EFCAB6: variants seen among roughly 807,000 people sequenced by gnomAD.
EFCAB6 encodes EF-hand calcium binding domain 6.
Under a neutral mutation model 169.8 loss-of-function variants are expected in EFCAB6, and 156 were observed. The observed-to-expected ratio is 0.92, with a 90% confidence interval of 0.81 to 1.05. EFCAB6 has a LOEUF of 1.05. Ranked by LOEUF, EFCAB6 falls within the 50% of genes least tolerant of loss-of-function variation. The pLI is 0.00. For synonymous variants in EFCAB6, 698 were observed against 676.4 expected (o/e 1.03, Z -0.50); for missense variants, 1,800 against 1,829.1 (o/e 0.98, Z 0.29).
chr22:43,775,352 T>G (rs937748038), intron 3 of EFCAB6, among the ~76,000 whole-genome samples: 1 of 152,198 alleles, frequency 6.6e-6, no homozygotes, highest in Admixed American at 6.5e-5. Context: ...GGTGGGCCCA[T>G]GACTATGGCA....
At chr22:43,768,138 G>C (rs919165803) in intron 4 of EFCAB6, among the ~76,000 whole-genome samples, 4 of 152,054 alleles carry the variant, frequency 2.6e-5, no homozygotes, top group Non-Finnish European at 5.9e-5. Flanking sequence ...CTTTTAAATG[G>C]CCTCCATTAA....
In EFCAB6 at chr22:43,540,370, C is replaced by G. The variant is rs1240912463; in HGVS notation, c.3649-13G>C. On this transcript the variant is annotated splice_polypyrimidine_tract_variant and intron_variant, in intron 27 of 31. Transcript: ENST00000262726. ...AGAGTCTGTCAAACTGGAGAAGGAG[C>G]AGAAGTCATTTCCCAGGTGTCAGTG... 7 of 1,613,638 alleles carry G rather than the reference C, an allele frequency of 4.3e-6. No individual in the cohort carries two copies. The highest frequency in any genetic ancestry group is 5.9e-6 in the Non-Finnish European group (7 of 1,180,034).
At chr22:43,623,868 CACT>C (rs140534027) in intron 20 of EFCAB6, among the ~76,000 whole-genome samples, 5,154 of 143,782 alleles carry the variant, frequency 0.036, 348 homozygotes, top group African/African-American at 0.13. Flanking sequence ...GAGATTCCGC[CACT>C]GTACTCCAGT....
chr22:43,663,752 C>T (rs937425111), intron 17 of EFCAB6, among the ~76,000 whole-genome samples: 8 of 152,200 alleles, frequency 5.3e-5, no homozygotes, highest in African/African-American at 1.9e-4. Flanking sequence ...GGGATTAGAG[C>T]CCGTATAAAA....
At position 43,687,512 on chromosome 22, in the gene EFCAB6, C is replaced by A; in HGVS notation, c.1101G>T (p.Gly367=). The A allele has an allele frequency of 2.5e-6, 4 of 1,591,344 alleles. No individual in the cohort carries two copies. The highest frequency in any genetic ancestry group is 3.4e-6 in the Non-Finnish European group (4 of 1,171,322). ...QFLTSFHEPQ[G]LQVSSKGPLT... ...GGGGACCTTTACTGCTAACTTGCAA[C>A]CCCTGAGGCTCATGAAATGATGTTA... The change falls in exon 11 of 32, where the codon GGG becomes GGT. Residue 367 remains glycine, a synonymous_variant. Transcript: ENST00000262726.
chr22:43,788,694 G>A (rs1441074100), intron 2 of EFCAB6, among the ~76,000 whole-genome samples: 1 of 152,190 alleles, frequency 6.6e-6, no homozygotes, highest in Non-Finnish European at 1.5e-5. Context: ...GTTAAACATA[G>A]AGTTGCCATA....
Position 43,678,051 on chromosome 22 carries a change from T to A in EFCAB6, c.1364A>T (p.Asp455Val). 6.2e-7 allele frequency: 1 copy of A among 1,614,104 alleles called. No individual in the cohort carries two copies. The highest frequency in any genetic ancestry group is 1.1e-5 in the South Asian group (1 of 91,074). Residue 455 changes from aspartate (D) to valine (V), a missense_variant, in exon 13 of 32, where the codon GAC becomes GTC. Coordinates refer to ENST00000262726, the MANE Select transcript of EFCAB6 (RefSeq NM_022785.4). Reference protein sequence around the residue: ...KELMQMLDPGDTGVVNTSMFI... With the variant: ...KELMQMLDPGVTGVVNTSMFI... ...CATGCTGGTGTTGACCACTCCAGTGTCCCCAGGGTCAAGCATTTGCATTAG... is the reference window on the plus strand; with the variant it reads ...CATGCTGGTGTTGACCACTCCAGTGACCCCAGGGTCAAGCATTTGCATTAG...
At chr22:43,707,751 T>C (rs1372678527) in intron 10 of EFCAB6, among the ~76,000 whole-genome samples, 1 of 152,092 alleles carries the variant, frequency 6.6e-6, no homozygotes, top group African/African-American at 2.4e-5. Context: ...TACCAAAAGA[T>C]ATACCTCAGG....
At chr22:43,641,394 T>C (rs1277708769) in intron 17 of EFCAB6, among the ~76,000 whole-genome samples, 1 of 152,102 alleles carries the variant, frequency 6.6e-6, no homozygotes, top group East Asian at 1.9e-4. Flanking sequence ...GGCGGGTGGA[T>C]TGCCTGAGGT....
At chr22:43,632,725 T>A (rs961928587) in intron 18 of EFCAB6, among the ~76,000 whole-genome samples, 1 of 152,150 alleles carries the variant, frequency 6.6e-6, no homozygotes, top group Admixed American at 6.5e-5. Flanking sequence ...TTCTTTTCCT[T>A]CAGTTTCTCA....
intron 2 of EFCAB6, among the ~76,000 whole-genome samples, chr22:43,799,632 TAA>T (rs905351762): frequency 6.6e-6 from 1 of 152,130 alleles, no homozygotes; most frequent in African/African-American, 2.4e-5. Context: ...TATTTCAAAA[TAA>T]AGTTTTTTAA....
At chr22:43,539,003 G>T (rs748587961) in intron 28 of EFCAB6, among the ~76,000 whole-genome samples, 8 of 152,044 alleles carry the variant, frequency 5.3e-5, no homozygotes, top group Non-Finnish European at 1.0e-4. Flanking sequence ...TTGGTTTGTG[G>T]CCCCCTCCTC....
At chr22:43,560,605 G>T (rs2048970084) in intron 26 of EFCAB6, among the ~76,000 whole-genome samples, 2 of 152,210 alleles carry the variant, frequency 1.3e-5, no homozygotes, top group Admixed American at 1.3e-4. Flanking sequence ...GGTTGGGGTG[G>T]CCACTGCAGG....
chr22:43,719,985 T>C (rs893057102), intron 8 of EFCAB6, among the ~76,000 whole-genome samples: 2 of 152,066 alleles, frequency 1.3e-5, no homozygotes, highest in African/African-American at 2.4e-5. Flanking sequence ...ACCATGAAAT[T>C]TGCTAAGAGA....
chr22:43,716,782 T>C, intron 9 of EFCAB6, 66 bp downstream of exon 9: 6 of 1,532,424 alleles, frequency 3.9e-6, no homozygotes, highest in Non-Finnish European at 5.2e-6. Flanking sequence ...AACCTAATAG[T>C]TTTCCATATT....
chr22:43,634,991 AC>A, intron 18 of EFCAB6, 110 bp downstream of exon 18: 1 of 774,274 alleles, frequency 1.3e-6, no homozygotes, highest in Non-Finnish European at 2.2e-6. Context: ...CCTCGTTTCA[AC>A]ATCTCAGCTT....
intron 10 of EFCAB6, among the ~76,000 whole-genome samples, chr22:43,690,219 G>A (rs1381717310): frequency 1.3e-5 from 2 of 152,000 alleles, no homozygotes; most frequent in Non-Finnish European, 2.9e-5. Flanking sequence ...GTAAATCCGG[G>A]CTGGGCGCGG....
chr22:43,637,385 G>A (rs1415011819), intron 17 of EFCAB6, among the ~76,000 whole-genome samples: 6 of 152,228 alleles, frequency 3.9e-5, no homozygotes, highest in Non-Finnish European at 8.8e-5. Flanking sequence ...TCGGGAAGAG[G>A]ACCAGGGAGC....
chr22:43,767,763 T>C (rs987859316), intron 4 of EFCAB6, among the ~76,000 whole-genome samples: 1 of 152,220 alleles, frequency 6.6e-6, no homozygotes, highest in Admixed American at 6.5e-5. Flanking sequence ...TTTCATTGCA[T>C]TTCATATTGC....
Sources: allele counts gnomAD v4.1 joint callset (sites outside exome capture counted in the v4.1 genomes callset), GRCh38; gene constraint gnomAD v4.1.1; transcripts MANE v1.5; gene names NCBI Gene and HGNC (gene_info 2026-07-23, HGNC 2026-07-21).